The following KAT6B variants were observed in gnomAD, a reference collection of about 807,000 sequenced individuals.
KAT6B encodes the protein histone acetyltransferase KAT6B.
KAT6B carries 10 observed loss-of-function variants against 187.5 expected under a neutral mutation model. The observed-to-expected ratio is 0.05, with a 90% CI of 0.03 to 0.09. The LOEUF is 0.09. Ranked by LOEUF, KAT6B falls within the 10% of genes least tolerant of loss-of-function variation. The probability of loss-of-function intolerance (pLI) is 1.00; values close to 1 mark genes in which losing one functional copy is unlikely to be tolerated. For missense variants in KAT6B, 1,952 were observed against 2,558.9 expected (o/e 0.76, Z 5.12); for synonymous variants, 861 against 926.8 (o/e 0.93, Z 1.29).
At chr10:75,010,571 A>G (rs1223909462) in intron 13 of KAT6B, among the ~76,000 whole-genome samples, 2 of 152,040 alleles carry the variant, frequency 1.3e-5, no homozygotes, top group East Asian at 1.9e-4. Flanking sequence ...TACACACAAC[A>G]CTCCCTTCCA....
Position 74,975,837 on chromosome 10 carries a change from C to T in KAT6B, c.1500C>T (p.Ile500=). Residue 500 remains isoleucine, a synonymous_variant, in exon 8 of 18, where the codon ATC becomes ATT. Transcript: ENST00000287239. ...CTTCACTTCCACCCCCAACCCCCATCTCCGGTCAGAGCCCCAGTTCACAAA... is the reference window on the plus strand; with the variant it reads ...CTTCACTTCCACCCCCAACCCCCATTTCCGGTCAGAGCCCCAGTTCACAAA... ...PPSSLPPPTP[I]SGQSPSSQKS... is the part of the protein sequence containing the mutation. 1 of 1,614,180 alleles carries T rather than the reference C, an allele frequency of 6.2e-7. No individual in the cohort carries two copies.
intron 16 of KAT6B, among the ~76,000 whole-genome samples, chr10:75,024,755 G>A (rs963711498): frequency 1.3e-5 from 2 of 152,148 alleles, no homozygotes; most frequent in African/African-American, 4.8e-5. Flanking sequence ...GTAAACAACT[G>A]TTTTATTTGG....
intron 13 of KAT6B, among the ~76,000 whole-genome samples, chr10:75,007,898 A>T (rs1175466510): frequency 6.6e-6 from 1 of 152,220 alleles, no homozygotes; most frequent in Non-Finnish European, 1.5e-5. Context: ...TGACTGCTTG[A>T]AAATGAAAAC....
intron 13 of KAT6B, among the ~76,000 whole-genome samples, chr10:75,017,401 G>A (rs2134120182): frequency 6.6e-6 from 1 of 152,224 alleles, no homozygotes; most frequent in Admixed American, 6.5e-5. Context: ...AGGGACTGAG[G>A]TCAGGAGTTC....
chr10:74,921,495 A>C (rs546859544), intron 3 of KAT6B, among the ~76,000 whole-genome samples: 3 of 152,202 alleles, frequency 2.0e-5, no homozygotes, highest in Admixed American at 1.3e-4. Context: ...TTGGGCATCT[A>C]TCAAGGCATT....
At chr10:74,943,667 A>G (rs1181298889) in intron 3 of KAT6B, among the ~76,000 whole-genome samples, 1 of 152,144 alleles carries the variant, frequency 6.6e-6, no homozygotes, top group African/African-American at 2.4e-5. Context: ...GTGTATAGAC[A>G]TATAAAAAAC....
chr10:74,979,187 T>C (rs1842353509), intron 9 of KAT6B, 37 bp from the exon 10 acceptor site: 3 of 1,397,642 alleles, frequency 2.1e-6, no homozygotes, highest in Non-Finnish European at 3.0e-6. Flanking sequence ...AAGTGAAGTA[T>C]ATATATTATT....
In KAT6B at chr10:75,003,947, T is replaced by C. The variant is rs375793813; in HGVS notation, c.2629+14835T>C. Among the ~76,000 whole-genome samples, 18 of 152,302 alleles carry C rather than the reference T, an allele frequency of 1.2e-4. No individual in the cohort carries two copies. The East Asian group carries it at 3.1e-3, about 26-fold the overall frequency. The stretch of plus-strand genomic sequence containing the variant: ...TGTATTCATTGCCTCAATGAAAACA[T>C]TGTAAATATGAAACATACGGTCTGC... On this transcript the variant is annotated intron_variant, in intron 13 of 17. Transcript: ENST00000287239.
At chr10:74,974,714 C>T (rs775571287) in intron 7 of KAT6B, among the ~76,000 whole-genome samples, 4 of 152,110 alleles carry the variant, frequency 2.6e-5, no homozygotes, top group Non-Finnish European at 5.9e-5. Flanking sequence ...ATGTCTGACC[C>T]GCTGTAGCTT....
At chr10:75,002,199 GCACT>G (rs778140638) in intron 13 of KAT6B, among the ~76,000 whole-genome samples, 2 of 152,130 alleles carry the variant, frequency 1.3e-5, no homozygotes, top group South Asian at 4.1e-4. Flanking sequence ...AGATCATGAA[GCACT>G]CACTTGAATC....
In KAT6B at chr10:75,022,117, A is replaced by C. The variant is rs754680177; in HGVS notation, c.3258A>C (p.Glu1086Asp). 145 of 1,606,620 alleles carry C rather than the reference A, an allele frequency of 9.0e-5. 1 individual carries two copies. The Middle Eastern group carries it at 1.8e-3, about 20-fold the overall frequency. Residue 1086 changes from glutamate to aspartate, a missense_variant, in exon 16 of 18, where the codon GAA (glutamate) becomes GAC (aspartate). This residue lies in a region of KAT6B where 758 missense variants were observed against 891.4 expected (regional missense o/e 0.85). Transcript: ENST00000287239. ...EDEEEEEEEE[E>D]EEEDEEEEEE... is the part of the protein sequence containing the mutation. ...AGGAGGAGGAAGAAGAGGAGGAAGAAGAGGAAGAGGATGAAGAGGAGGAAG... is the reference window on the plus strand; with the variant it reads ...AGGAGGAGGAAGAAGAGGAGGAAGACGAGGAAGAGGATGAAGAGGAGGAAG...
chr10:74,839,381 C>A (rs1456194914), intron 2 of KAT6B, among the ~76,000 whole-genome samples: 1 of 151,762 alleles, frequency 6.6e-6, no homozygotes, highest in Non-Finnish European at 1.5e-5. Context: ...CAGGCGCATG[C>A]CACCATGCTT....
At chr10:74,912,889 C>G (rs1303022146) in intron 3 of KAT6B, among the ~76,000 whole-genome samples, 1 of 152,158 alleles carries the variant, frequency 6.6e-6, no homozygotes, top group African/African-American at 2.4e-5. Context: ...ACATCAGCCC[C>G]AGGGAGCCAG....
intron 8 of KAT6B, 77 bp downstream of exon 8, chr10:74,976,407 C>A: frequency 8.5e-7 from 1 of 1,175,062 alleles, no homozygotes; most frequent in Non-Finnish European, 1.2e-6. Context: ...ATCAACCAAT[C>A]AATTCCTATT....
chr10:74,964,049 T>C (rs1841291563), intron 4 of KAT6B, among the ~76,000 whole-genome samples: 1 of 152,120 alleles, frequency 6.6e-6, no homozygotes, highest in African/African-American at 2.4e-5. Flanking sequence ...GAGAATGGCT[T>C]GAAGCCGGGA....
chr10:74,922,949 G>C (rs776834502), intron 3 of KAT6B, among the ~76,000 whole-genome samples: 3 of 152,180 alleles, frequency 2.0e-5, no homozygotes, highest in Admixed American at 6.5e-5. Context: ...TGGATGGTCT[G>C]GGAATGCCTG....
At position 74,843,896 on chromosome 10, in the gene KAT6B, C is replaced by G. The variant is rs181588547; in HGVS notation, c.621+418C>G. On this transcript the variant is annotated intron_variant, in intron 3 of 17. Coordinates refer to ENST00000287239, the MANE Select transcript of KAT6B (RefSeq NM_012330.4). Reference sequence around the variant, plus strand: ...TTTTACTATTATTATTTTTTTGAGACAGAATCTAGCTCTGTCGCCTAGGCT... The same window carrying G: ...TTTTACTATTATTATTTTTTTGAGAGAGAATCTAGCTCTGTCGCCTAGGCT... Among the ~76,000 whole-genome samples the G allele has an allele frequency of 3.0e-3, 464 of 152,310 alleles. 1 individual carries two copies. Among genetic ancestry groups the G allele is most frequent in the Non-Finnish European group, 5.7e-3 (389 of 68,034 alleles).
chr10:75,001,432 C>T (rs1033265265), intron 13 of KAT6B, among the ~76,000 whole-genome samples: 2 of 152,172 alleles, frequency 1.3e-5, no homozygotes, highest in Non-Finnish European at 2.9e-5. Context: ...AAGCCACATA[C>T]TTCATTTCTA....
chr10:74,997,594 A>T (rs929167162), intron 13 of KAT6B, among the ~76,000 whole-genome samples: 1 of 152,138 alleles, frequency 6.6e-6, no homozygotes, highest in Non-Finnish European at 1.5e-5. Context: ...ATGAAAAAAA[A>T]ATTGTTGGTG....
Sources: allele counts gnomAD v4.1 joint callset (sites outside exome capture counted in the v4.1 genomes callset), GRCh38; gene constraint gnomAD v4.1.1; regional missense constraint gnomAD v4.1.1; transcripts MANE v1.5; gene names NCBI Gene and HGNC (gene_info 2026-07-23, HGNC 2026-07-21).